Variants in DNM3 observed in about 807,000 individuals in gnomAD.
DNM3 encodes dynamin-3.
Under a neutral mutation model 101.6 loss-of-function variants are expected in DNM3, and 47 were observed. The observed-to-expected ratio is 0.46, with a 90% confidence interval of 0.37 to 0.59. The LOEUF is 0.59. Among genes scored for constraint, DNM3 ranks in the 20% least tolerant of loss-of-function variants. DNM3 has a pLI of 0.00. For synonymous variants in DNM3, 385 were observed against 387.9 expected (o/e 0.99, Z 0.09); for missense variants, 849 against 1,085.7 (o/e 0.78, Z 3.06).
intron 4 of DNM3, among the ~76,000 whole-genome samples, chr1:172,009,798 T>A (rs917246139): frequency 6.6e-6 from 1 of 151,796 alleles, no homozygotes; most frequent in Non-Finnish European, 1.5e-5. Flanking sequence ...ATTAAATGTA[T>A]AACGGTAGAA....
At chr1:172,353,954 G>C (rs746090341) in intron 17 of DNM3, among the ~76,000 whole-genome samples, 1 of 152,022 alleles carries the variant, frequency 6.6e-6, no homozygotes, top group Non-Finnish European at 1.5e-5. Flanking sequence ...TGCTTAGGAT[G>C]TAAACTGCTT....
At chr1:172,162,104 C>T (rs918482932) in intron 14 of DNM3, among the ~76,000 whole-genome samples, 2 of 152,040 alleles carry the variant, frequency 1.3e-5, no homozygotes, top group Admixed American at 1.3e-4. Flanking sequence ...ATATATTAGA[C>T]ATGGACTTAT....
intron 9 of DNM3, among the ~76,000 whole-genome samples, chr1:172,046,651 G>A (rs911798268): frequency 6.6e-6 from 1 of 152,104 alleles, no homozygotes; most frequent in African/African-American, 2.4e-5. Flanking sequence ...TTTACAAAGT[G>A]AAGAGGAGAA....
intron 4 of DNM3, among the ~76,000 whole-genome samples, chr1:171,992,015 A>G (rs904964600): frequency 1.3e-5 from 2 of 152,204 alleles, no homozygotes; most frequent in Admixed American, 6.5e-5. Context: ...CAAGATGGCT[A>G]TAGATATCCT....
At chr1:172,345,487 T>A (rs1321526350) in intron 17 of DNM3, among the ~76,000 whole-genome samples, 1 of 152,228 alleles carries the variant, frequency 6.6e-6, no homozygotes, top group African/African-American at 2.4e-5. Context: ...AAAGTAGTTC[T>A]CATTCTTTTT....
At chr1:172,246,932 T>A (rs537792771) in intron 14 of DNM3, among the ~76,000 whole-genome samples, 12 of 152,252 alleles carry the variant, frequency 7.9e-5, no homozygotes, top group African/African-American at 2.9e-4. Flanking sequence ...AAAATGAGAC[T>A]TTGTTAGGAA....
chr1:172,197,126 G>A (rs1407167215), intron 14 of DNM3, among the ~76,000 whole-genome samples: 1 of 152,082 alleles, frequency 6.6e-6, no homozygotes, highest in Admixed American at 6.6e-5. Context: ...TTCTGCATAT[G>A]GCTAGCCAGT....
intron 1 of DNM3, among the ~76,000 whole-genome samples, chr1:171,913,400 G>C (rs2039457468): frequency 6.6e-6 from 1 of 152,086 alleles, no homozygotes; most frequent in East Asian, 1.9e-4. Context: ...ATGATTCTTT[G>C]TAAATCTGTA....
intron 1 of DNM3, among the ~76,000 whole-genome samples, chr1:171,868,145 A>C (rs879726192): frequency 6.6e-6 from 1 of 152,126 alleles, no homozygotes; most frequent in Non-Finnish European, 1.5e-5. Flanking sequence ...TTTTCTACCC[A>C]GTGTCATCCC....
intron 2 of DNM3, among the ~76,000 whole-genome samples, chr1:171,954,785 G>A (rs1257755553): frequency 6.6e-6 from 1 of 152,188 alleles, no homozygotes; most frequent in Non-Finnish European, 1.5e-5. Flanking sequence ...TTTTCACAGT[G>A]TGGCATTTCA....
intron 13 of DNM3, among the ~76,000 whole-genome samples, chr1:172,104,712 T>C (rs2054889056): frequency 6.6e-6 from 1 of 152,204 alleles, no homozygotes; most frequent in South Asian, 2.1e-4. Flanking sequence ...TGTATTTACA[T>C]TTAGAAAGGT....
rs534749151 is a variant in DNM3 at position 171,864,998 on chromosome 1, G to A, written c.161+23181G>A. ...TACAGACTTATTTAAAATCTAGTGG[G>A]TTTTCTTAATTGGACGGAGAGACAT... On this transcript the variant is annotated intron_variant, in intron 1 of 20. Coordinates refer to ENST00000627582, the MANE Select transcript of DNM3 (RefSeq NM_015569.5). Among the ~76,000 whole-genome samples the A allele has an allele frequency of 9.1e-4, 139 of 152,088 alleles. 1 individual carries two copies. Among genetic ancestry groups the A allele is most frequent in the African/African-American group, 3.1e-3 (127 of 41,510 alleles).
chr1:171,878,717 C>A (rs1290029865), intron 1 of DNM3, among the ~76,000 whole-genome samples: 1 of 152,034 alleles, frequency 6.6e-6, no homozygotes, highest in Non-Finnish European at 1.5e-5. Context: ...CCATTAGTAC[C>A]CTTAAGGAAT....
chr1:172,058,539 T>A (rs1218256316), intron 10 of DNM3, among the ~76,000 whole-genome samples: 3 of 151,958 alleles, frequency 2.0e-5, no homozygotes, highest in Admixed American at 2.0e-4. Flanking sequence ...GGATTAAGAA[T>A]CTCACTGAAA....
At chr1:172,075,881 T>C (rs1210830067) in intron 11 of DNM3, among the ~76,000 whole-genome samples, 1 of 152,250 alleles carries the variant, frequency 6.6e-6, no homozygotes, top group Non-Finnish European at 1.5e-5. Flanking sequence ...GGGATAGCAT[T>C]GAATCTATAA....
intron 16 of DNM3, among the ~76,000 whole-genome samples, chr1:172,315,912 G>T (rs1354969573): frequency 1.3e-5 from 2 of 152,088 alleles, no homozygotes; most frequent in African/African-American, 4.8e-5. Context: ...TCCTCGAGAA[G>T]AGCAACTCCG....
intron 10 of DNM3, among the ~76,000 whole-genome samples, chr1:172,051,454 C>CTTTGAAATCTT (rs1226079207): frequency 6.6e-6 from 1 of 152,136 alleles, no homozygotes; most frequent in African/African-American, 2.4e-5. Flanking sequence ...AGCTACTTTT[C>CTTTGAAATCTT]TTTGAAATCT....
intron 1 of DNM3, among the ~76,000 whole-genome samples, chr1:171,884,042 C>T (rs544845035): frequency 2.6e-5 from 4 of 152,240 alleles, no homozygotes; most frequent in Admixed American, 6.5e-5. Flanking sequence ...AGCTGAGTGC[C>T]GCTGAGTTAA....
chr1:171,981,858 C>A (rs1014071848), intron 2 of DNM3, among the ~76,000 whole-genome samples: 1 of 152,062 alleles, frequency 6.6e-6, no homozygotes. Context: ...GGTTATACTG[C>A]GACAAAATAA....
Sources: gnomAD v4.1 joint callset for allele counts (sites outside exome capture counted in the v4.1 genomes callset) on GRCh38, gnomAD v4.1.1 for gene constraint, MANE v1.5 for transcripts, NCBI Gene and HGNC (gene_info 2026-07-23, HGNC 2026-07-21) for gene names.